Variants in ADGRV1 observed in about 807,000 individuals in gnomAD.
ADGRV1 encodes the protein adhesion G protein-coupled receptor V1.
Under a neutral mutation model 596.2 loss-of-function variants are expected in ADGRV1, and 359 were observed. The observed-to-expected ratio is 0.60, with a 90% CI of 0.55 to 0.66. ADGRV1 has a LOEUF of 0.66. ADGRV1 is among the 30% of genes least tolerant of loss of function. ADGRV1 has a pLI of 0.00. For synonymous variants in ADGRV1, 2,681 were observed against 2,679.2 expected (o/e 1.00, Z -0.02); for missense variants, 7,274 against 7,575.6 (o/e 0.96, Z 1.48).
chr5:90,820,612 T>C (rs1181383197), intron 75 of ADGRV1, among the ~76,000 whole-genome samples: 2 of 151,444 alleles, frequency 1.3e-5, no homozygotes, highest in African/African-American at 4.9e-5. Context: ...GCAGGCCTGG[T>C]GGTGACAAAA....
Position 90,805,408 on chromosome 5 carries a change from G to A in ADGRV1, c.14786G>A (p.Gly4929Glu). Residue 4929 changes from glycine (G) to glutamate (E), a missense_variant, in exon 72 of 90, where the codon GGG (glycine) becomes GAG (glutamate). This residue lies in a region of ADGRV1 where 1,874 missense variants were observed against 1,970.2 expected (regional missense o/e 0.95). Transcript: ENST00000405460. ...SVAWTTGYAP[G>E]LEIPEFIVVG... is the part of the protein sequence containing the mutation. ...GCCTGGACCACTGGATATGCTCCTG[G>A]GTTAGAAATTCCTGAATTCATTGTT... 6.2e-7 allele frequency: 1 copy of A among 1,603,308 alleles called. No homozygotes were observed. The highest frequency in any genetic ancestry group is 8.5e-7 in the Non-Finnish European group (1 of 1,171,672).
rs767553206 is a variant in ADGRV1 at position 90,627,434 on chromosome 5, A to G, written c.896A>G (p.Tyr299Cys). 1.2e-6 allele frequency: 2 copies of G among 1,613,898 alleles called. No individual in the cohort carries two copies. The highest frequency in any genetic ancestry group is 1.1e-5 in the South Asian group (1 of 91,080). ...NNGNLIGSDE[Y>C]EVSISYAVTT... ...GGAAATCTGATTGGATCTGATGAAT[A>G]TGAGGTTTCAATCAGTTATGCTGTC... Residue 299 changes from tyrosine (Y) to cysteine (C), a missense_variant, in exon 7 of 90, where the codon TAT becomes TGT. Around this residue, in one of 5 missense-constraint regions of ADGRV1, gnomAD observed 1,715 missense variants for 1,708.8 expected, o/e 1.00. Transcript: ENST00000405460.
At chr5:91,095,592 G>A (rs1011921117) in intron 86 of ADGRV1, among the ~76,000 whole-genome samples, 7 of 152,050 alleles carry the variant, frequency 4.6e-5, no homozygotes, top group Non-Finnish European at 1.0e-4. Context: ...AAACCTCAAG[G>A]ACACCAATAT....
intron 84 of ADGRV1, among the ~76,000 whole-genome samples, chr5:90,978,356 C>T (rs1779802396): frequency 6.6e-6 from 1 of 151,948 alleles, no homozygotes; most frequent in Non-Finnish European, 1.5e-5. Flanking sequence ...TAAACTATTA[C>T]CTTCAACGTT....
At chr5:91,060,615 G>A (rs1201308649) in intron 85 of ADGRV1, among the ~76,000 whole-genome samples, 1 of 152,100 alleles carries the variant, frequency 6.6e-6, no homozygotes, top group African/African-American at 2.4e-5. Flanking sequence ...GAAATGTATA[G>A]TGTATTTTAA....
At position 90,692,724 on chromosome 5, in the gene ADGRV1, G is replaced by A. The variant is rs761593166; in HGVS notation, c.7071G>A (p.Met2357Ile). Residue 2357 changes from methionine to isoleucine, a missense_variant, in exon 32 of 90, where the codon ATG becomes ATA. By Grantham distance (10) the Met-to-Ile change is conservative. Coordinates refer to ENST00000405460, the MANE Select transcript of ADGRV1 (RefSeq NM_032119.4). ...DPYGTVAFAQMVYRVQEPLER... is the reference protein window; with the variant it reads ...DPYGTVAFAQIVYRVQEPLER... ...ATGGTACAGTAGCCTTTGCTCAGATGGTTTATCGTGTTCAAGAGCCTCTGG... is the reference window on the plus strand; with the variant it reads ...ATGGTACAGTAGCCTTTGCTCAGATAGTTTATCGTGTTCAAGAGCCTCTGG... 3 of 1,609,114 alleles carry A rather than the reference G, an allele frequency of 1.9e-6. No individual in the cohort carries two copies. In the East Asian group the frequency reaches 6.7e-5, roughly 36 times the overall value.
At chr5:91,083,706 T>C (rs1789619046) in intron 86 of ADGRV1, among the ~76,000 whole-genome samples, 1 of 152,216 alleles carries the variant, frequency 6.6e-6, no homozygotes, top group Non-Finnish European at 1.5e-5. Flanking sequence ...ATCACTCCTC[T>C]AATAAGATGT....
chr5:90,663,438 C>T (rs1202776586), intron 21 of ADGRV1, among the ~76,000 whole-genome samples: 158 of 149,882 alleles, frequency 1.1e-3, no homozygotes, highest in African/African-American at 3.0e-3. Flanking sequence ...TCATGTCCTT[C>T]GCCCACTTTT....
At chr5:90,593,272 T>C (rs1759767672) in intron 1 of ADGRV1, among the ~76,000 whole-genome samples, 1 of 152,026 alleles carries the variant, frequency 6.6e-6, no homozygotes, top group South Asian at 2.1e-4. Context: ...TATGCAGCCA[T>C]AAAAAAGGAT....
At chr5:91,101,522 A>T (rs1264470113) in intron 86 of ADGRV1, among the ~76,000 whole-genome samples, 1 of 152,208 alleles carries the variant, frequency 6.6e-6, no homozygotes, top group East Asian at 1.9e-4. Flanking sequence ...GATCGCCTCT[A>T]TATGGTTATT....
chr5:90,987,918 C>A (rs1780628985), intron 85 of ADGRV1, among the ~76,000 whole-genome samples: 1 of 152,144 alleles, frequency 6.6e-6, no homozygotes, highest in Non-Finnish European at 1.5e-5. Context: ...TTCTCAAGTT[C>A]TCTTTCCTGC....
At chr5:90,732,617 A>T (rs1213538807) in intron 50 of ADGRV1, among the ~76,000 whole-genome samples, 5 of 152,082 alleles carry the variant, frequency 3.3e-5, no homozygotes, top group Admixed American at 1.3e-4. Flanking sequence ...CATTTCTCTC[A>T]CGCCCTGGCC....
Position 90,811,061 on chromosome 5 carries a change from T to C in ADGRV1, c.15801T>C (p.Ala5267=). Residue 5267 remains alanine (A), a synonymous_variant, in exon 74 of 90, where the codon GCT becomes GCC. Transcript: ENST00000405460. ...TTAAAACTTTCGGTGAAAGATGTGC[T>C]CAGATGGAACCAAATGCATTGCCCT... is the stretch of plus-strand genomic sequence containing the variant. ...ITVKTFGERC[A]QMEPNALPFR... The C allele has an allele frequency of 6.2e-7, 1 of 1,614,008 alleles. No homozygotes were observed.
At chr5:91,043,881 T>G (rs183278641) in intron 85 of ADGRV1, among the ~76,000 whole-genome samples, 23 of 152,066 alleles carry the variant, frequency 1.5e-4, no homozygotes, top group Non-Finnish European at 1.3e-4. Flanking sequence ...CTGCTTTATT[T>G]TTTTTAAAAC....
Position 90,645,749 on chromosome 5 carries a change from T to C in ADGRV1, c.2899-219T>C, listed in dbSNP as rs151131298. ...TATTTCCATTAAATTTCATAGTTAG[T>C]CTAAATGAAGTGGCTGTTTGTATGA... On this transcript the variant is annotated intron_variant, in intron 15 of 89. Transcript: ENST00000405460. 1.3e-3 allele frequency among the ~76,000 whole-genome samples: 197 copies of C among 152,312 alleles called. 1 individual carries two copies. The East Asian group carries it at 0.015, about 12-fold the overall frequency.
At chr5:90,739,816 G>A (rs1236531895) in intron 50 of ADGRV1, among the ~76,000 whole-genome samples, 2 of 152,236 alleles carry the variant, frequency 1.3e-5, no homozygotes, top group Non-Finnish European at 2.9e-5. Flanking sequence ...ATGCTGCATA[G>A]ATATGCATGG....
chr5:91,064,785 G>A (rs766830257), intron 85 of ADGRV1, among the ~76,000 whole-genome samples: 6 of 152,042 alleles, frequency 3.9e-5, no homozygotes, highest in Non-Finnish European at 7.4e-5. Flanking sequence ...CCTTTTCTCT[G>A]ATGTTTTCAT....
chr5:91,058,734 T>C (rs1464714549), intron 85 of ADGRV1, among the ~76,000 whole-genome samples: 1 of 152,166 alleles, frequency 6.6e-6, no homozygotes, highest in Non-Finnish European at 1.5e-5. Flanking sequence ...ACACTGATTT[T>C]GCAGAAACAC....
At chr5:90,736,020 A>G (rs1753179315) in intron 50 of ADGRV1, among the ~76,000 whole-genome samples, 1 of 152,144 alleles carries the variant, frequency 6.6e-6, no homozygotes, top group Admixed American at 6.5e-5. Context: ...TGTTGAAAGG[A>G]AGTGACAATA....
Sources: gnomAD v4.1 joint callset for allele counts (sites outside exome capture counted in the v4.1 genomes callset) on GRCh38, gnomAD v4.1.1 for gene constraint, gnomAD v4.1.1 regional missense constraint, MANE v1.5 for transcripts, NCBI Gene and HGNC (gene_info 2026-07-23, HGNC 2026-07-21) for gene names.